OPLAH: variants seen among roughly 807,000 people sequenced by gnomAD.
OPLAH encodes the protein 5-oxoprolinase, ATP-hydrolysing.
OPLAH carries 103 observed loss-of-function variants against 122.8 expected under a neutral mutation model. The ratio of observed to expected loss-of-function variants is 0.84; its 90% CI spans 0.71 to 0.99. OPLAH has a LOEUF of 0.99. Ranked by LOEUF, OPLAH falls within the 50% of genes least tolerant of loss-of-function variation. The pLI, the probability that OPLAH is intolerant of heterozygous loss-of-function variation, is 0.00. For missense variants in OPLAH, 1,902 were observed against 1,836.5 expected (o/e 1.04, Z -0.65); for synonymous variants, 875 against 796.0 (o/e 1.10, Z -1.67).
Position 144,055,842 on chromosome 8 carries a change from G to A in OPLAH, c.2194C>T (p.Gln732Ter), listed in dbSNP as rs1835499190. The change falls in exon 16 of 27, where the codon CAG becomes TAG. Residue 732 changes from glutamine (Q) to a stop codon, truncating the protein, a stop_gained. Coordinates refer to ENST00000618853, the MANE Select transcript of OPLAH (RefSeq NM_017570.5). LOFTEE classifies it high-confidence loss of function. This position sits in a 1 kb window ranked among gnomAD's most constrained non-coding sequence, Gnocchi z 6.5. ...GAEVPGTVGP[Q>*]LDPIQLSIFS... ...ATGGACAGCTGGATAGGGTCCAGCTGGGGGCCCACTGTGCCGGGGACTTCG... is the reference window on the plus strand; with the variant it reads ...ATGGACAGCTGGATAGGGTCCAGCTAGGGGCCCACTGTGCCGGGGACTTCG... 6 of 1,575,158 alleles carry A rather than the reference G, an allele frequency of 3.8e-6. No homozygotes were observed. Among genetic ancestry groups the A allele is most frequent in the Non-Finnish European group, 5.2e-6 (6 of 1,161,106 alleles).
In OPLAH at chr8:144,053,345, C is replaced by T. The variant is rs781854033; in HGVS notation, c.2735G>A (p.Gly912Glu). Residue 912 changes from glycine to glutamate, a missense_variant, in exon 20 of 27, where the codon GGA (glycine) becomes GAA (glutamate). Coordinates refer to ENST00000618853, the MANE Select transcript of OPLAH (RefSeq NM_017570.5). ...RAPGKVPNCS[G>E]TRNLHDNLSD... ...CAGGTTGTCGTGCAGGTTTCTGGTT[C>T]CGCTGCAGTTGGGGACCTTGCCTGG... 1.1e-5 allele frequency: 17 copies of T among 1,612,664 alleles called. No homozygotes were observed. The South Asian group carries it at 1.8e-4, about 17-fold the overall frequency.
chr8:144,063,132 C>T (rs1835689997), upstream of OPLAH, among the ~76,000 whole-genome samples: 2 of 152,132 alleles, frequency 1.3e-5, no homozygotes, highest in South Asian at 4.1e-4. This position sits in a 1 kb window ranked among gnomAD's most constrained non-coding sequence, Gnocchi z 4.2. Flanking sequence ...CGGGATGGCC[C>T]GGCCCCTACT....
In OPLAH at chr8:144,051,306, G is replaced by T; in HGVS notation, c.*20C>A. The T allele has an allele frequency of 1.2e-6, 2 of 1,610,228 alleles. No homozygotes were observed. The highest frequency in any genetic ancestry group is 1.7e-6 in the Non-Finnish European group (2 of 1,178,832). On this transcript the variant is annotated 3_prime_UTR_variant, in exon 27 of 27. Coordinates refer to ENST00000618853, the MANE Select transcript of OPLAH (RefSeq NM_017570.5). ...CGTCCCCAGAACCGGGAGACTTAAG[G>T]CATCTTTATTGCGGGATCCTCACAC... is the stretch of plus-strand genomic sequence containing the variant.
intron 20 of OPLAH, 33 bp from the exon 21 acceptor site, chr8:144,053,162 C>T: frequency 6.2e-7 from 1 of 1,608,270 alleles, no homozygotes. Context: ...GTGGCCAGGT[C>T]ACCTGCAGGA....
At position 144,058,108 on chromosome 8, in the gene OPLAH, C is replaced by A. The variant is rs781891466; in HGVS notation, c.990G>T (p.Glu330Asp). Residue 330 changes from glutamate to aspartate, a missense_variant, in exon 8 of 27, where the codon GAG becomes GAT. Glu to Asp is a conservative substitution (Grantham distance 45, BLOSUM62 2). Transcript: ENST00000618853. ...CAGCTGTGCTGGCCTCGAAGACGTGCTCGAATTCCCCAGCATAGCGGCTCA... is the reference window on the plus strand; with the variant it reads ...CAGCTGTGCTGGCCTCGAAGACGTGATCGAATTCCCCAGCATAGCGGCTCA... ...TDVSRYAGEF[E>D]HVFEASTAGV... is the part of the protein sequence containing the mutation. 1 of 1,612,532 alleles carries A rather than the reference C, an allele frequency of 6.2e-7. No homozygotes were observed. Among genetic ancestry groups the A allele is most frequent in the African/African-American group, 1.3e-5 (1 of 75,036 alleles).
In OPLAH at chr8:144,056,484, C is replaced by G; in HGVS notation, c.1884G>C (p.Pro628=). 1.9e-6 allele frequency: 3 copies of G among 1,611,712 alleles called. No homozygotes were observed. Among genetic ancestry groups the G allele is most frequent in the East Asian group, 2.2e-5 (1 of 44,832 alleles). Residue 628 remains proline (P), a synonymous_variant, in exon 14 of 27, where the codon CCG becomes CCC. Transcript: ENST00000618853. The part of the protein sequence containing the change: ...REFGFVIPER[P]VVVDDVRVRG... ...GCACTCGCACATCGTCCACGACCAC[C>G]GGCCGCTCAGGTATGACAAAGCCAA...
At chr8:144,057,984 C>T (rs782806107) in intron 8 of OPLAH, 26 bp downstream of exon 8, 1 of 1,612,056 alleles carries the variant, frequency 6.2e-7, no homozygotes, top group Admixed American at 1.7e-5. Flanking sequence ...GGCTGGGGTC[C>T]CAGCCTGGGA....
At chr8:144,054,461 G>A (rs1835458594) in intron 19 of OPLAH, 100 bp downstream of exon 19, 2 of 1,286,110 alleles carry the variant, frequency 1.6e-6, no homozygotes, top group East Asian at 2.6e-5. Flanking sequence ...GGCAGGCCTG[G>A]GCCTATGGGC....
rs538348231 is a variant in OPLAH at position 144,060,260 on chromosome 8, G to T, written c.-53-175C>A. Among the ~76,000 whole-genome samples the T allele has an allele frequency of 7.4e-4, 113 of 152,378 alleles. 4 individuals carry two copies. In the South Asian group the frequency reaches 0.02, roughly 27 times the overall value. On this transcript the variant is annotated intron_variant, in intron 1 of 26. Coordinates refer to ENST00000618853, the MANE Select transcript of OPLAH (RefSeq NM_017570.5). ...GGGCCCGAGCGAGAGCCTGGCCGGC[G>T]GTCAGCGGCCTGATGCCCCCATGCC... is the stretch of plus-strand genomic sequence containing the variant.
chr8:144,054,535 G>A, intron 19 of OPLAH, 26 bp downstream of exon 19: 24 of 1,549,612 alleles, frequency 1.5e-5, no homozygotes, highest in Non-Finnish European at 2.1e-5. Flanking sequence ...CCTACAGAAG[G>A]CCTGCCCCAC....
chr8:144,056,657 G>C lies in OPLAH; in HGVS notation c.1805C>G (p.Ser602Trp). 1.9e-6 allele frequency: 3 copies of C among 1,612,130 alleles called. No individual in the cohort carries two copies. The change falls in exon 13 of 27, where the codon TCG becomes TGG. Residue 602 changes from serine to tryptophan, a missense_variant. Ser to Trp is a radical substitution (Grantham distance 177). This residue lies in a region of OPLAH where 1,726 missense variants were observed against 1,642.1 expected (regional missense o/e 1.05). Transcript: ENST00000618853. The part of the protein sequence containing the change: ...SAHQHPATAR[S>W]PRAGDFGAAF... The stretch of plus-strand genomic sequence containing the variant: ...TGCCCCGAAGTCCCCCGCACGGGGC[G>C]AGCGGGCTGTGGCTGGGTGCTGGTG...
At chr8:144,056,829 A>G in intron 12 of OPLAH, 74 bp from the exon 13 acceptor site, 1 of 1,523,942 alleles carries the variant, frequency 6.6e-7, no homozygotes, top group Non-Finnish European at 8.8e-7. Context: ...CCCGGCAAGG[A>G]CACCTGTTCT....
chr8:144,059,175 A>T, intron 3 of OPLAH, 96 bp from the exon 4 acceptor site: 2 of 1,021,854 alleles, frequency 2.0e-6, no homozygotes, highest in South Asian at 1.5e-5. Flanking sequence ...CTGTGTCCCA[A>T]CAGGCCGGTC....
upstream of OPLAH, among the ~76,000 whole-genome samples, chr8:144,062,669 A>T (rs1158072585): frequency 1.7e-5 from 1 of 59,114 alleles, no homozygotes. Flanking sequence ...ACCCACCCAC[A>T]CCCCCACCAT....
Position 144,058,578 on chromosome 8 carries a change from G to A in OPLAH, c.701C>T (p.Thr234Met), listed in dbSNP as rs369392245. 4.0e-5 allele frequency: 64 copies of A among 1,602,038 alleles called. No individual in the cohort carries two copies. The Admixed American group carries it at 4.3e-4, about 11-fold the overall frequency. Residue 234 changes from threonine to methionine, a missense_variant, in exon 6 of 27, where the codon ACG becomes ATG. Transcript: ENST00000618853. Reference protein sequence around the residue: ...PMVRIVPRGHTACADAYLTPA... With the variant: ...PMVRIVPRGHMACADAYLTPA... ...CGTGAGGTAGGCGTCGGCACAGGCC[G>A]TGTGCCCCCGAGGGACGATGCGCAC...
chr8:144,058,354 G>A lies in OPLAH; in HGVS notation c.834C>T (p.Asp278=). Residue 278 remains aspartate, a synonymous_variant, in exon 7 of 27, where the codon GAC becomes GAT. Transcript: ENST00000618853. ...MRSDGGLAPM[D]TFSGSSAVLS... ...GCACAGCACTGGAGCCGCTGAAGGT[G>A]TCCATGGGCGCCAGGCCGCCATCGG... 6.3e-7 allele frequency: 1 copy of A among 1,596,458 alleles called. No homozygotes were observed. The highest frequency in any genetic ancestry group is 1.1e-5 in the South Asian group (1 of 89,744).
upstream of OPLAH, among the ~76,000 whole-genome samples, chr8:144,062,752 AC>A (rs56219615): frequency 0.15 from 20,586 of 136,992 alleles, 2,319 homozygotes; most frequent in African/African-American, 0.33. Flanking sequence ...ACTGCCCTCC[AC>A]CATCCCCAGC....
At position 144,058,572 on chromosome 8, in the gene OPLAH, C is replaced by T. The variant is rs1554760051; in HGVS notation, c.707G>A (p.Cys236Tyr). ...VRIVPRGHTACADAYLTPAIQ... is the reference protein window; with the variant it reads ...VRIVPRGHTAYADAYLTPAIQ... The stretch of plus-strand genomic sequence containing the variant: ...GGCGGGCGTGAGGTAGGCGTCGGCA[C>T]AGGCCGTGTGCCCCCGAGGGACGAT... The change falls in exon 6 of 27, where the codon TGT (cysteine) becomes TAT (tyrosine). Residue 236 changes from cysteine to tyrosine, a missense_variant. Around this residue, in one of 3 missense-constraint regions of OPLAH, gnomAD observed 1,726 missense variants for 1,642.1 expected, o/e 1.05. Transcript: ENST00000618853. 1.2e-6 allele frequency: 2 copies of T among 1,602,070 alleles called. No homozygotes were observed. The highest frequency in any genetic ancestry group is 1.1e-5 in the South Asian group (1 of 90,982).
rs544915777 is a variant in OPLAH, at chr8:144,053,857, C to T, written c.2687-464G>A. ...ACAGGCACCCCTGCAGCCTCCATCC[C>T]CCCTTCCCTGCAGCTGCTCAGTGCC... On this transcript the variant is annotated intron_variant, in intron 19 of 26. Transcript: ENST00000618853. 9.2e-4 allele frequency among the ~76,000 whole-genome samples: 137 copies of T among 148,906 alleles called. 1 individual carries two copies. Among genetic ancestry groups the T allele is most frequent in the African/African-American group, 3.1e-3 (126 of 40,248 alleles).
Sources: gnomAD v4.1 joint callset for allele counts (sites outside exome capture counted in the v4.1 genomes callset) on GRCh38, gnomAD v4.1.1 for gene constraint, gnomAD v4.1.1 regional missense constraint, Gnocchi (gnomAD v3.1) non-coding constraint, MANE v1.5 for transcripts, NCBI Gene and HGNC (gene_info 2026-07-23, HGNC 2026-07-21) for gene names.